Variants in PCDHAC1 observed in about 807,000 individuals in gnomAD.
PCDHAC1 encodes protocadherin alpha subfamily C, 1, also known as protocadherin alpha-C1.
PCDHAC1 carries 42 observed loss-of-function variants against 60.0 expected under a neutral mutation model. The ratio of observed to expected loss-of-function variants is 0.70; its 90% CI spans 0.55 to 0.90. The LOEUF is 0.90. Among genes scored for constraint, PCDHAC1 ranks in the 40% least tolerant of loss-of-function variants. PCDHAC1 has a pLI of 0.00. For synonymous variants in PCDHAC1, 468 were observed against 499.3 expected (o/e 0.94, Z 0.84); for missense variants, 1,160 against 1,222.3 (o/e 0.95, Z 0.76).
rs199571672 is a variant in PCDHAC1 at position 140,994,794 on chromosome 5, T to C, written c.2581+12231T>C. On this transcript the variant is annotated intron_variant, in intron 3 of 3. Transcript: ENST00000253807. The stretch of plus-strand genomic sequence containing the variant: ...CCAGGCAAAGGAAACAATGCGTGCA[T>C]GCAAAAACAAAATACAAAAAACTGA... Among the ~76,000 whole-genome samples the C allele has an allele frequency of 7.2e-5, 11 of 152,270 alleles. No individual in the cohort carries two copies. The East Asian group carries it at 2.1e-3, about 29-fold the overall frequency.
At chr5:140,971,244 A>G (rs1389573593) in intron 1 of PCDHAC1, among the ~76,000 whole-genome samples, 6 of 152,174 alleles carry the variant, frequency 3.9e-5, no homozygotes, top group Non-Finnish European at 8.8e-5. Context: ...GGGCAATTTG[A>G]TACATAAACT....
chr5:140,952,724 C>T (rs1481919445), intron 1 of PCDHAC1, among the ~76,000 whole-genome samples: 1 of 152,100 alleles, frequency 6.6e-6, no homozygotes, highest in African/African-American at 2.4e-5. Flanking sequence ...ATTTTCTGTA[C>T]TAGTCTTTTC....
At chr5:140,983,408 A>C (rs1554245369) in intron 3 of PCDHAC1, among the ~76,000 whole-genome samples, 1 of 152,208 alleles carries the variant, frequency 6.6e-6, no homozygotes, top group East Asian at 1.9e-4. Context: ...GGGAAGATTA[A>C]GTGTTGGTAG....
In PCDHAC1 at chr5:140,927,505, G is replaced by C; in HGVS notation, c.613G>C (p.Ala205Pro). 1.2e-6 allele frequency: 2 copies of C among 1,614,120 alleles called. No individual in the cohort carries two copies. Among genetic ancestry groups the C allele is most frequent in the Middle Eastern group, 1.6e-4 (1 of 6,062 alleles). Residue 205 changes from alanine (A) to proline (P), a missense_variant, in exon 1 of 4, where the codon GCT (alanine) becomes CCT (proline). Around this residue, in one of 3 missense-constraint regions of PCDHAC1, gnomAD observed 1,113 missense variants for 1,163.7 expected, o/e 0.96. Coordinates refer to ENST00000253807, the MANE Select transcript of PCDHAC1 (RefSeq NM_018898.5). ...CGCCACCCACCTGCTGGTGCTTACA[G>C]CTCGGGACGGCGGGCTACCTGCCCG... ...QRATHLLVLT[A>P]RDGGLPARSG...
At chr5:140,969,457 T>C (rs1554231852) in intron 1 of PCDHAC1, 1 of 1,505,602 alleles carries the variant, frequency 6.6e-7, no homozygotes, top group Admixed American at 2.2e-5. Context: ...TGAGTATATA[T>C]AGTATCCACA....
chr5:140,934,377 G>A (rs1183246116), intron 1 of PCDHAC1, among the ~76,000 whole-genome samples: 2 of 152,050 alleles, frequency 1.3e-5, no homozygotes, highest in Non-Finnish European at 2.9e-5. Flanking sequence ...TCCTTCTGTG[G>A]TTCTATGGTG....
At chr5:140,988,026 T>A (rs1405610277) in intron 3 of PCDHAC1, among the ~76,000 whole-genome samples, 1 of 152,152 alleles carries the variant, frequency 6.6e-6, no homozygotes, top group Non-Finnish European at 1.5e-5. Context: ...GATTCTTAAG[T>A]TTTTTAGAAT....
chr5:140,968,401 C>A, intron 1 of PCDHAC1: 4 of 1,613,984 alleles, frequency 2.5e-6, no homozygotes, highest in Non-Finnish European at 2.5e-6. Context: ...TTCGGGAGTT[C>A]TTTGTGACTG....
intron 1 of PCDHAC1, chr5:140,968,074 C>T (rs781940696): frequency 1.2e-6 from 2 of 1,614,020 alleles, no homozygotes; most frequent in African/African-American, 1.3e-5. Context: ...CTGTCTACAA[C>T]ATCACGGTGA....
intron 1 of PCDHAC1, among the ~76,000 whole-genome samples, chr5:140,941,192 TTTCTTTCTTCC>T (rs1330855559): frequency 1.0e-5 from 1 of 99,660 alleles, no homozygotes; most frequent in Non-Finnish European, 2.1e-5. Flanking sequence ...CTTCTTTTTT[TTTCTTTCTTCC>T]TTTCTTTCTT....
At chr5:140,944,171 GT>G (rs1250322343) in intron 1 of PCDHAC1, among the ~76,000 whole-genome samples, 1 of 152,008 alleles carries the variant, frequency 6.6e-6, no homozygotes, top group Non-Finnish European at 1.5e-5. Context: ...GCCAAGGCTG[GT>G]TTTTTGTTGG....
intron 3 of PCDHAC1, among the ~76,000 whole-genome samples, chr5:140,985,949 C>T (rs1195801055): frequency 2.6e-5 from 4 of 152,032 alleles, no homozygotes; most frequent in African/African-American, 9.7e-5. Context: ...CTGTGTTAGC[C>T]AGGATGGTCT....
chr5:141,010,378 A>C lies in PCDHAC1; in HGVS notation c.*441A>C. ...GCTACCGCGGGTATGCGAGTGCCAG[A>C]TATTGGCTGAGACGAGCCAGCTTAG... is the stretch of plus-strand genomic sequence containing the variant. On this transcript the variant is annotated 3_prime_UTR_variant, in exon 4 of 4. Coordinates refer to ENST00000253807, the MANE Select transcript of PCDHAC1 (RefSeq NM_018898.5). 6.9e-7 allele frequency: 1 copy of C among 1,450,180 alleles called. No individual in the cohort carries two copies. Among genetic ancestry groups the C allele is most frequent in the Non-Finnish European group, 9.2e-7 (1 of 1,092,666 alleles). 89.8% of individuals were successfully genotyped at this position (1,450,180 alleles called of 1,614,324 possible).
intron 3 of PCDHAC1, among the ~76,000 whole-genome samples, chr5:140,986,934 C>T (rs1379562819): frequency 6.6e-6 from 1 of 152,160 alleles, no homozygotes; most frequent in East Asian, 1.9e-4. Flanking sequence ...AGGATGGAGG[C>T]TGGGTGTGGT....
intron 3 of PCDHAC1, among the ~76,000 whole-genome samples, chr5:140,997,904 A>G (rs1446627520): frequency 6.6e-6 from 1 of 152,224 alleles, no homozygotes; most frequent in Non-Finnish European, 1.5e-5. Flanking sequence ...TTCAAGAAGT[A>G]GAATTACAGA....
rs781991042 is a variant in PCDHAC1, at chr5:140,968,933, A to G, written c.2434-10016A>G. ...AGTGTCTTTTATATTTCTTTTGACA[A>G]TCATCATTTTGAGCATCATCAAGTG... On this transcript the variant is annotated intron_variant, in intron 1 of 3. Transcript: ENST00000253807. 77 of 1,614,052 alleles carry G rather than the reference A, an allele frequency of 4.8e-5. No individual in the cohort carries two copies. Among genetic ancestry groups the G allele is most frequent in the Non-Finnish European group, 6.0e-5 (71 of 1,180,034 alleles).
At position 140,982,581 on chromosome 5, in the gene PCDHAC1, C is replaced by G. The variant is rs782060139; in HGVS notation, c.2581+18C>G. 6.2e-7 allele frequency: 1 copy of G among 1,612,214 alleles called. No homozygotes were observed. The highest frequency in any genetic ancestry group is 1.1e-5 in the South Asian group (1 of 90,796). The stretch of plus-strand genomic sequence containing the variant: ...AACACCAGGTAAAGAGCTGGGGTCT[C>G]TCCATTCTTTCTTGGTTTCTGGAAA... On this transcript the variant is annotated intron_variant, in intron 3 of 3. Transcript: ENST00000253807.
intron 1 of PCDHAC1, among the ~76,000 whole-genome samples, chr5:140,965,342 G>T (rs2095891598): frequency 6.6e-6 from 1 of 152,130 alleles, no homozygotes; most frequent in South Asian, 2.1e-4. Context: ...TTGTCTCTGT[G>T]TTGCCTCTAT....
intron 1 of PCDHAC1, among the ~76,000 whole-genome samples, chr5:140,936,341 A>G (rs954946684): frequency 7.2e-5 from 11 of 152,172 alleles, no homozygotes; most frequent in African/African-American, 2.7e-4. Flanking sequence ...CTCTATCTGC[A>G]TATATGGAAT....
Sources: allele counts gnomAD v4.1 joint callset (sites outside exome capture counted in the v4.1 genomes callset), GRCh38; gene constraint gnomAD v4.1.1; regional missense constraint gnomAD v4.1.1; transcripts MANE v1.5; gene names NCBI Gene and HGNC (gene_info 2026-07-23, HGNC 2026-07-21).